Variants in AUTS2 observed in about 807,000 individuals in gnomAD.
The protein encoded by AUTS2 is activator of transcription and developmental regulator AUTS2.
A neutral mutation model predicts 112.4 loss-of-function variants in AUTS2; 17 were observed. The observed-to-expected ratio is 0.15, with a 90% CI of 0.10 to 0.23. AUTS2 has a LOEUF of 0.23. AUTS2 is among the 10% of genes least tolerant of loss of function. The pLI is 1.00. For missense variants in AUTS2, 1,510 were observed against 1,701.6 expected, an observed-to-expected ratio of 0.89 and a Z score of 1.98; for synonymous variants, 751 against 702.7, an observed-to-expected ratio of 1.07 and a Z score of -1.09.
At chr7:70,068,732 A>C (rs1207063483) in intron 2 of AUTS2, among the ~76,000 whole-genome samples, 1 of 152,240 alleles carries the variant, frequency 6.6e-6, no homozygotes, top group Non-Finnish European at 1.5e-5. Flanking sequence ...TAATGTAGCC[A>C]CTTCAACTCC....
At chr7:69,679,168 A>T (rs1275935974) in intron 1 of AUTS2, among the ~76,000 whole-genome samples, 1 of 152,264 alleles carries the variant, frequency 6.6e-6, no homozygotes, top group Non-Finnish European at 1.5e-5. Flanking sequence ...GGCCAAGGCC[A>T]GAATGTTTGG....
chr7:69,782,661 AAGG>A (rs1419567534), intron 1 of AUTS2, among the ~76,000 whole-genome samples: 1 of 152,158 alleles, frequency 6.6e-6, no homozygotes, highest in Non-Finnish European at 1.5e-5. Context: ...AAAGATAATT[AAGG>A]AGGGAAATCT....
intron 2 of AUTS2, among the ~76,000 whole-genome samples, chr7:69,978,894 A>ACACACACACACACACG (rs1554418145): frequency 7.3e-5 from 10 of 137,094 alleles, no homozygotes; most frequent in South Asian, 2.3e-4. Context: ...ACACACACAC[A>ACACACACACACACACG]CACACACGCA....
chr7:70,449,934 A>G (rs1414634468), intron 5 of AUTS2, among the ~76,000 whole-genome samples: 2 of 152,152 alleles, frequency 1.3e-5, no homozygotes, highest in Non-Finnish European at 2.9e-5. Flanking sequence ...ACCTTGAGAG[A>G]CACAAAGATC....
At position 70,744,818 on chromosome 7, in the gene AUTS2, G is replaced by A. The variant is rs565777835; in HGVS notation, c.743-18052G>A. Among the ~76,000 whole-genome samples, 7 of 152,236 alleles carry A rather than the reference G, an allele frequency of 4.6e-5. No individual in the cohort carries two copies. The East Asian group carries it at 9.7e-4, about 21-fold the overall frequency. ...TCAGAATACTGCTTTCCTCCCACGG[G>A]AGGAGCTTGTACCTCTCTCATGTGT... On this transcript the variant is annotated intron_variant, in intron 6 of 18. Coordinates refer to ENST00000342771, the MANE Select transcript of AUTS2 (RefSeq NM_015570.4).
In AUTS2 at chr7:70,484,751, G is replaced by A. The variant is rs182198375; in HGVS notation, c.690+48970G>A. Among the ~76,000 whole-genome samples, 271 of 152,290 alleles carry A rather than the reference G, an allele frequency of 1.8e-3. 2 individuals carry two copies. The highest frequency in any genetic ancestry group is 3.0e-3 in the Non-Finnish European group (206 of 68,030). On this transcript the variant is annotated intron_variant, in intron 5 of 18. Transcript: ENST00000342771. ...AGGAAAGGTGTAGGATGACTTGAAA[G>A]CAGGGATAAAAGCCTTTTGAAAATA...
chr7:70,456,728 T>C (rs1422315098), intron 5 of AUTS2, among the ~76,000 whole-genome samples: 1 of 152,144 alleles, frequency 6.6e-6, no homozygotes, highest in Non-Finnish European at 1.5e-5. Flanking sequence ...CTGGAAGGGG[T>C]TCTGCCTCTC....
At chr7:70,731,128 A>C (rs967855703) in intron 6 of AUTS2, among the ~76,000 whole-genome samples, 2 of 152,126 alleles carry the variant, frequency 1.3e-5, no homozygotes. Flanking sequence ...AGTTCTTTAT[A>C]CATTCTGGAT....
chr7:69,949,833 C>G (rs987041573), intron 2 of AUTS2, among the ~76,000 whole-genome samples: 1 of 152,208 alleles, frequency 6.6e-6, no homozygotes, highest in South Asian at 2.1e-4. Context: ...CAGTTACTGC[C>G]TTTGTTTGTA....
intron 1 of AUTS2, among the ~76,000 whole-genome samples, chr7:69,813,327 AG>A (rs1790625850): frequency 6.6e-6 from 1 of 152,116 alleles, no homozygotes; most frequent in Non-Finnish European, 1.5e-5. Flanking sequence ...CTATTGCTGG[AG>A]CAAGCACTTA....
chr7:70,756,774 C>T (rs1789239004), intron 6 of AUTS2, among the ~76,000 whole-genome samples: 4 of 152,280 alleles, frequency 2.6e-5, no homozygotes, highest in Admixed American at 2.6e-4. Flanking sequence ...TCAACCCTTG[C>T]ATATGACCCA....
At chr7:70,576,431 T>G (rs1802168287) in intron 5 of AUTS2, among the ~76,000 whole-genome samples, 1 of 152,196 alleles carries the variant, frequency 6.6e-6, no homozygotes, top group South Asian at 2.1e-4. Context: ...TCCATTTTCA[T>G]TGACCCATAT....
At chr7:70,724,241 A>G (rs989364109) in intron 6 of AUTS2, among the ~76,000 whole-genome samples, 18 of 152,126 alleles carry the variant, frequency 1.2e-4, no homozygotes, top group Admixed American at 3.9e-4. Context: ...GCAGGCACAT[A>G]TATACCTTTA....
chr7:69,627,487 G>A (rs767307252), intron 1 of AUTS2, among the ~76,000 whole-genome samples: 5 of 151,652 alleles, frequency 3.3e-5, no homozygotes, highest in Non-Finnish European at 5.9e-5. Flanking sequence ...GTGAAACGCC[G>A]TCTCAAAAAA....
chr7:69,716,908 C>T (rs1472158637), intron 1 of AUTS2, among the ~76,000 whole-genome samples: 2 of 152,056 alleles, frequency 1.3e-5, no homozygotes, highest in African/African-American at 2.4e-5. Flanking sequence ...GGAAGAGATG[C>T]GTAGGGCAAG....
At chr7:69,837,491 TC>T (rs1328238817) in intron 1 of AUTS2, among the ~76,000 whole-genome samples, 1 of 152,110 alleles carries the variant, frequency 6.6e-6, no homozygotes, top group Non-Finnish European at 1.5e-5. Context: ...GCTTCCTGCT[TC>T]ATTATCCCCC....
intron 1 of AUTS2, among the ~76,000 whole-genome samples, chr7:69,800,013 G>T (rs1790013734): frequency 6.6e-6 from 1 of 152,136 alleles, no homozygotes; most frequent in Non-Finnish European, 1.5e-5. Flanking sequence ...AGATTTAAGG[G>T]TTATTATTTG....
chr7:70,078,714 A>G (rs753680582), intron 2 of AUTS2, among the ~76,000 whole-genome samples: 6 of 152,198 alleles, frequency 3.9e-5, no homozygotes, highest in Non-Finnish European at 8.8e-5. Context: ...AGGAAGGAGA[A>G]TGTGGGGGAG....
intron 2 of AUTS2, among the ~76,000 whole-genome samples, chr7:70,088,178 C>T (rs985871465): frequency 1.3e-5 from 2 of 152,048 alleles, no homozygotes. Context: ...GGCTGGAGTG[C>T]AGTGGCGTGA....
Sources: allele counts gnomAD v4.1 joint callset (sites outside exome capture counted in the v4.1 genomes callset), GRCh38; gene constraint gnomAD v4.1.1; transcripts MANE v1.5; gene names NCBI Gene and HGNC (gene_info 2026-07-23, HGNC 2026-07-21).